Variants in FAM98B observed in about 807,000 individuals in gnomAD.
The protein encoded by FAM98B is tRNA splicing ligase complex subunit 3B.
In FAM98B, 32 loss-of-function variants were observed where a neutral mutation model predicts 43.9. That is an observed-to-expected ratio of 0.73 (90% CI 0.55 to 0.98). The LOEUF (loss-of-function observed/expected upper bound fraction) is 0.98, where lower values mean the gene tolerates loss of function less well. Among genes scored for constraint, FAM98B ranks in the 50% least tolerant of loss-of-function variants. The probability of loss-of-function intolerance (pLI) is 0.00; values close to 1 mark genes in which losing one functional copy is unlikely to be tolerated. For synonymous variants in FAM98B, 190 were observed against 174.0 expected (o/e 1.09, Z -0.72); for missense variants, 514 against 522.9 (o/e 0.98, Z 0.17).
At chr15:38,481,787 A>G in intron 7 of FAM98B, 2 of 596,414 alleles carry the variant, frequency 3.4e-6, no homozygotes, top group South Asian at 2.1e-5. Flanking sequence ...AAGTACTGAC[A>G]GATTCGTTAT....
intron 6 of FAM98B, among the ~76,000 whole-genome samples, chr15:38,477,865 C>T (rs1044792447): frequency 2.6e-5 from 4 of 152,030 alleles, no homozygotes; most frequent in African/African-American, 7.3e-5. Flanking sequence ...CTGTAAGTTA[C>T]CAACGAAGCA....
chr15:38,473,549 A>G lies in FAM98B; in HGVS notation c.576A>G (p.Lys192=). Reference sequence around the variant, plus strand: ...AGGTCCAGAAAAATCATGTGGGAAAACCACTGCTGAAAATGGATTTAAATT... The same window carrying G: ...AGGTCCAGAAAAATCATGTGGGAAAGCCACTGCTGAAAATGGATTTAAATT... ...LSKVQKNHVG[K]PLLKMDLNSE... Residue 192 remains lysine (K), a synonymous_variant, in exon 5 of 8, where the codon AAA becomes AAG. Coordinates refer to ENST00000397609, the MANE Select transcript of FAM98B (RefSeq NM_173611.4). The G allele has an allele frequency of 6.2e-7, 1 of 1,611,108 alleles. No individual in the cohort carries two copies. Among genetic ancestry groups the G allele is most frequent in the Non-Finnish European group, 8.5e-7 (1 of 1,178,772 alleles).
In FAM98B at chr15:38,462,197, A is replaced by T. The variant is rs577458535; in HGVS notation, c.72-1835A>T. On this transcript the variant is annotated intron_variant, in intron 1 of 7. Transcript: ENST00000397609. ...AACAGTACATAGTAGGCTACCTTTTATCTGGAAAAGGAGACAAAAATGCAT... is the reference window on the plus strand; with the variant it reads ...AACAGTACATAGTAGGCTACCTTTTTTCTGGAAAAGGAGACAAAAATGCAT... Among the ~76,000 whole-genome samples the T allele has an allele frequency of 2.0e-5, 3 of 152,328 alleles. No individual in the cohort carries two copies. In the South Asian group the frequency reaches 6.2e-4, roughly 32 times the overall value.
chr15:38,460,104 T>G (rs1391236390), intron 1 of FAM98B, among the ~76,000 whole-genome samples: 2 of 152,194 alleles, frequency 1.3e-5, no homozygotes, highest in Non-Finnish European at 2.9e-5. Flanking sequence ...CAGCTTGAAG[T>G]AGTGTCTGAC....
chr15:38,457,493 C>T (rs1018502326), intron 1 of FAM98B, among the ~76,000 whole-genome samples: 2 of 151,836 alleles, frequency 1.3e-5, no homozygotes, highest in Non-Finnish European at 2.9e-5. Context: ...GGTGAGTGGT[C>T]GAAGAAGCAA....
At chr15:38,456,487 G>A (rs1426720284) in intron 1 of FAM98B, among the ~76,000 whole-genome samples, 1 of 152,190 alleles carries the variant, frequency 6.6e-6, no homozygotes, top group Non-Finnish European at 1.5e-5. Flanking sequence ...CTGTATATTG[G>A]ACCTCGTTCT....
In FAM98B at chr15:38,481,411, G is replaced by T. The variant is rs762082697; in HGVS notation, c.849G>T (p.Arg283Ser). Residue 283 changes from arginine to serine, a missense_variant, in exon 7 of 8, where the codon AGG (arginine) becomes AGT (serine). Coordinates refer to ENST00000397609, the MANE Select transcript of FAM98B (RefSeq NM_173611.4). Reference sequence around the variant, plus strand: ...GTGAAGATCTATCCAAGATCATTAGGACAAGTAGTGGCACCAGCCGGGAGA... The same window carrying T: ...GTGAAGATCTATCCAAGATCATTAGTACAAGTAGTGGCACCAGCCGGGAGA... ...AAREDLSKII[R>S]TSSGTSREKT... is the part of the protein sequence containing the mutation. 6.2e-7 allele frequency: 1 copy of T among 1,614,148 alleles called. No homozygotes were observed. The highest frequency in any genetic ancestry group is 2.2e-5 in the East Asian group (1 of 44,878).
At chr15:38,483,845 A>G (rs1032259915) in intron 7 of FAM98B, among the ~76,000 whole-genome samples, 2 of 151,894 alleles carry the variant, frequency 1.3e-5, no homozygotes, top group Non-Finnish European at 2.9e-5. Flanking sequence ...TTGAAACACC[A>G]TAATTGTACA....
intron 3 of FAM98B, among the ~76,000 whole-genome samples, chr15:38,469,391 A>G (rs1226425513): frequency 1.3e-5 from 2 of 152,188 alleles, no homozygotes; most frequent in Non-Finnish European, 2.9e-5. Context: ...GTGCTTATAT[A>G]TCAGTTAGAG....
Position 38,465,326 on chromosome 15 carries a change from C to T in FAM98B, c.275C>T (p.Ala92Val), listed in dbSNP as rs764730327. ...ATAAGTGGCTTTTTAAAAGAAATGG[C>T]ATGTCCATATTCTGTACTCATATCA... Reference protein sequence around the residue: ...LEISGFLKEMACPYSVLISGD... With the variant: ...LEISGFLKEMVCPYSVLISGD... The change falls in exon 3 of 8, where the codon GCA becomes GTA. Residue 92 changes from alanine (A) to valine (V), a missense_variant. Physicochemically the swap from Ala to Val is moderately conservative, Grantham distance 64 (BLOSUM62 0). Coordinates refer to ENST00000397609, the MANE Select transcript of FAM98B (RefSeq NM_173611.4). 2 of 1,611,468 alleles carry T rather than the reference C, an allele frequency of 1.2e-6. No homozygotes were observed. The highest frequency in any genetic ancestry group is 4.5e-5 in the East Asian group (2 of 44,660).
Position 38,470,218 on chromosome 15 carries a change from TTA to T in FAM98B, c.353-7_353-6del. On this transcript the variant is annotated splice_polypyrimidine_tract_variant and splice_region_variant and intron_variant, in intron 3 of 7. Transcript: ENST00000397609. ...TGTATTAACATTATTTATTTTCTCT[TTA>T]TTGTAGTATTTTTAAGTACAGAACT... 7.1e-7 allele frequency: 1 copy of T among 1,404,128 alleles called. No homozygotes were observed. The highest frequency in any genetic ancestry group is 9.6e-7 in the Non-Finnish European group (1 of 1,046,570). The allele number at this position is 1,404,128 out of a possible 1,614,324, so 87.0% of individuals were successfully genotyped here.
In FAM98B at chr15:38,486,454, T is replaced by C. The variant is rs1348902717; in HGVS notation, c.*1795T>C. On this transcript the variant is annotated 3_prime_UTR_variant, in exon 8 of 8. Transcript: ENST00000397609. ...CTTCTTTTTTGGTAGCATTAGTTGC[T>C]GATGAAGGAGATTTACAACTACTTT... is the stretch of plus-strand genomic sequence containing the variant. The C allele has an allele frequency of 6.6e-6, 1 of 152,182 alleles. No individual in the cohort carries two copies. Among genetic ancestry groups the C allele is most frequent in the Non-Finnish European group, 1.5e-5 (1 of 67,992 alleles). 9.4% of individuals were successfully genotyped at this position (152,182 alleles called of 1,614,324 possible).
chr15:38,475,278 G>A (rs1890179914), intron 6 of FAM98B, among the ~76,000 whole-genome samples: 1 of 152,046 alleles, frequency 6.6e-6, no homozygotes, highest in South Asian at 2.1e-4. Context: ...TCATAAGTGT[G>A]GTGCTTCTGT....
chr15:38,467,527 G>A (rs556900528), intron 3 of FAM98B, among the ~76,000 whole-genome samples: 7 of 152,196 alleles, frequency 4.6e-5, no homozygotes, highest in African/African-American at 1.7e-4. Flanking sequence ...AAGCCTTTTC[G>A]TATACTACAG....
intron 5 of FAM98B, 111 bp from the exon 6 acceptor site, chr15:38,474,071 G>A: frequency 1.5e-6 from 1 of 686,732 alleles, no homozygotes; most frequent in Non-Finnish European, 2.5e-6. Flanking sequence ...AAAATGGTCA[G>A]TAAGTACATC....
intron 6 of FAM98B, among the ~76,000 whole-genome samples, chr15:38,475,384 A>G (rs2141059491): frequency 1.3e-5 from 2 of 152,314 alleles, no homozygotes; most frequent in Admixed American, 1.3e-4. Flanking sequence ...TAGCTTAAGT[A>G]ATACAGATTT....
intron 1 of FAM98B, chr15:38,459,085 A>G (rs1889903114): frequency 2.9e-6 from 1 of 348,162 alleles, no homozygotes; most frequent in Non-Finnish European, 5.7e-6. Context: ...AAGGGAACAC[A>G]TTCAAAGAGT....
chr15:38,458,895 A>G, intron 1 of FAM98B: 1 of 441,702 alleles, frequency 2.3e-6, no homozygotes, highest in Non-Finnish European at 4.5e-6. Flanking sequence ...TGGAAGATGT[A>G]AGAAGCAGAC....
At chr15:38,472,478 A>C (rs1890142223) in intron 4 of FAM98B, among the ~76,000 whole-genome samples, 1 of 152,044 alleles carries the variant, frequency 6.6e-6, no homozygotes, top group African/African-American at 2.4e-5. Flanking sequence ...GTTCTTTCTA[A>C]GCTAATTTTT....
Sources: gnomAD v4.1 joint callset for allele counts (sites outside exome capture counted in the v4.1 genomes callset) on GRCh38, gnomAD v4.1.1 for gene constraint, MANE v1.5 for transcripts, NCBI Gene and HGNC (gene_info 2026-07-23, HGNC 2026-07-21) for gene names.